Variants in MTUS2 observed in about 807,000 individuals in gnomAD.
The protein encoded by MTUS2 is microtubule associated scaffold protein 2, also known as microtubule-associated tumor suppressor candidate 2.
A neutral mutation model predicts 114.1 loss-of-function variants in MTUS2; 40 were observed. The observed-to-expected ratio is 0.35, with a 90% CI of 0.27 to 0.46. The LOEUF is 0.46. Among genes scored for constraint, MTUS2 ranks in the 20% least tolerant of loss-of-function variants. MTUS2 has a pLI of 1.00. For synonymous variants in MTUS2, 688 were observed against 672.0 expected, an observed-to-expected ratio of 1.02 and a Z score of -0.37; for missense variants, 1,679 against 1,705.4, an observed-to-expected ratio of 0.98 and a Z score of 0.27.
intron 5 of MTUS2, among the ~76,000 whole-genome samples, chr13:29,167,226 T>A (rs1015587972): frequency 3.9e-5 from 6 of 152,010 alleles, no homozygotes; most frequent in African/African-American, 1.4e-4. Context: ...ATACAAAAAA[T>A]TAGCCGGGTG....
chr13:29,144,658 G>T (rs1390175446), intron 5 of MTUS2, among the ~76,000 whole-genome samples: 1 of 152,112 alleles, frequency 6.6e-6, no homozygotes, highest in Non-Finnish European at 1.5e-5. Flanking sequence ...GGCTACCCTT[G>T]CCACATGGGC....
chr13:29,008,776 A>G (rs975842196), intron 2 of MTUS2, among the ~76,000 whole-genome samples: 1 of 152,168 alleles, frequency 6.6e-6, no homozygotes, highest in Non-Finnish European at 1.5e-5. Context: ...ATTTGTTCCT[A>G]GGACACTGGA....
chr13:28,843,474 G>T (rs1435765341), intron 2 of MTUS2, among the ~76,000 whole-genome samples: 1 of 151,900 alleles, frequency 6.6e-6, no homozygotes, highest in South Asian at 2.1e-4. Flanking sequence ...TTTTTCCTTA[G>T]GCAGAAAACA....
intron 8 of MTUS2, among the ~76,000 whole-genome samples, chr13:29,438,106 T>C (rs556293166): frequency 6.6e-6 from 1 of 152,336 alleles, no homozygotes; most frequent in South Asian, 2.1e-4. Context: ...ATGAGCTTGC[T>C]AAATGCTGGA....
chr13:29,013,763 A>T (rs1245151514), intron 2 of MTUS2, among the ~76,000 whole-genome samples: 3 of 127,960 alleles, frequency 2.3e-5, no homozygotes, highest in African/African-American at 5.5e-5. Flanking sequence ...ATACTTTGTT[A>T]AACTATCCAC....
chr13:29,111,314 C>G (rs1367457987), intron 5 of MTUS2, among the ~76,000 whole-genome samples: 1 of 152,124 alleles, frequency 6.6e-6, no homozygotes, highest in African/African-American at 2.4e-5. Context: ...TAACAGAGAA[C>G]AGTGCAAAGG....
At chr13:29,460,460 C>T (rs897170442) in intron 9 of MTUS2, among the ~76,000 whole-genome samples, 7 of 151,750 alleles carry the variant, frequency 4.6e-5, no homozygotes, top group African/African-American at 1.7e-4. Flanking sequence ...GCTCTCTCCT[C>T]CTGACAGGCT....
At chr13:29,004,129 A>G (rs1193064877) in intron 2 of MTUS2, among the ~76,000 whole-genome samples, 2 of 152,214 alleles carry the variant, frequency 1.3e-5, no homozygotes, top group African/African-American at 4.8e-5. Flanking sequence ...AACAATGACA[A>G]ATAATTCTAC....
At chr13:29,411,801 A>G (rs1248736269) in intron 8 of MTUS2, among the ~76,000 whole-genome samples, 2 of 152,144 alleles carry the variant, frequency 1.3e-5, no homozygotes, top group Non-Finnish European at 2.9e-5. Context: ...CATATTTTTG[A>G]TGAGCTTCTT....
intron 7 of MTUS2, among the ~76,000 whole-genome samples, chr13:29,347,417 G>C (rs371221909): frequency 4.8e-4 from 33 of 68,638 alleles, no homozygotes; most frequent in East Asian, 3.7e-3. Context: ...TTTGGTCCAT[G>C]GTTATTTGGA....
chr13:29,073,662 A>T (rs190360131), intron 4 of MTUS2, among the ~76,000 whole-genome samples: 77 of 152,332 alleles, frequency 5.1e-4, no homozygotes, highest in African/African-American at 1.8e-3. Context: ...CACCATGTGT[A>T]CATCTTGCCC....
At chr13:29,206,572 G>T (rs1895194388) in intron 5 of MTUS2, among the ~76,000 whole-genome samples, 1 of 152,122 alleles carries the variant, frequency 6.6e-6, no homozygotes, top group Non-Finnish European at 1.5e-5. Context: ...TCCATCTTGA[G>T]TTGATTTTTT....
intron 2 of MTUS2, among the ~76,000 whole-genome samples, chr13:28,935,006 GTTTTTTTTTTTTT>G (rs775863792): frequency 8.7e-4 from 36 of 41,448 alleles, no homozygotes; most frequent in South Asian, 2.8e-3. Flanking sequence ...TCTCCATAGC[GTTTTTTTTTTTTT>G]TTTTTTTTTT....
At chr13:29,346,922 G>A (rs914263) in intron 7 of MTUS2, among the ~76,000 whole-genome samples, 58,245 of 137,772 alleles carry the variant, frequency 0.42, 8,805 homozygotes, top group East Asian at 0.62. Context: ...TCCTTCTCCC[G>A]TGATCTGGTT....
intron 5 of MTUS2, among the ~76,000 whole-genome samples, chr13:29,228,125 A>G (rs1034730000): frequency 6.6e-6 from 1 of 152,220 alleles, no homozygotes; most frequent in Non-Finnish European, 1.5e-5. Context: ...GCATAATGAT[A>G]TTTATGACCA....
chr13:29,198,440 G>T (rs1443870503), intron 5 of MTUS2, among the ~76,000 whole-genome samples: 1 of 152,082 alleles, frequency 6.6e-6, no homozygotes. Flanking sequence ...TGTCTGTTTT[G>T]ATACCAGTAC....
At chr13:29,046,855 C>A (rs1045744435) in intron 4 of MTUS2, among the ~76,000 whole-genome samples, 1 of 152,294 alleles carries the variant, frequency 6.6e-6, no homozygotes, top group Middle Eastern at 3.4e-3. Flanking sequence ...CTACAGACAC[C>A]CCTTCCCCTT....
At chr13:29,463,531 C>T (rs532610023) in intron 9 of MTUS2, among the ~76,000 whole-genome samples, 1 of 152,310 alleles carries the variant, frequency 6.6e-6, no homozygotes, top group Non-Finnish European at 1.5e-5. Flanking sequence ...GCTCCAAGGG[C>T]ACACGCCCTA....
At chr13:28,972,806 C>T (rs188360387) in intron 2 of MTUS2, among the ~76,000 whole-genome samples, 23 of 152,182 alleles carry the variant, frequency 1.5e-4, no homozygotes, top group African/African-American at 5.3e-4. Flanking sequence ...AAATAATTCA[C>T]CTTTATGTAC....
Sources: allele counts gnomAD v4.1 joint callset (sites outside exome capture counted in the v4.1 genomes callset), GRCh38; gene constraint gnomAD v4.1.1; transcripts MANE v1.5; gene names NCBI Gene and HGNC (gene_info 2026-07-23, HGNC 2026-07-21).